The following QTMAN variants were observed in gnomAD, a reference collection of about 807,000 sequenced individuals.
QTMAN encodes queuosine-tRNA mannosyltransferase.
chr2:144,245,654 C>A, the QTMAN span, among the ~76,000 whole-genome samples: 1 of 152,062 alleles, frequency 6.6e-6, no homozygotes. Flanking sequence ...ATCATCATTA[C>A]TATTAATCAT....
the QTMAN span, among the ~76,000 whole-genome samples, chr2:144,215,416 G>A: frequency 6.6e-6 from 1 of 151,868 alleles, no homozygotes; most frequent in South Asian, 2.1e-4. Context: ...AATAGTTACT[G>A]AGTACTTAGC....
chr2:144,020,574 T>A, the QTMAN span, among the ~76,000 whole-genome samples: 1 of 152,182 alleles, frequency 6.6e-6, no homozygotes, highest in Non-Finnish European at 1.5e-5. Context: ...CACATGCCCA[T>A]TGGGGCTTCA....
At chr2:144,011,063 G>A in the QTMAN span, among the ~76,000 whole-genome samples, 10 of 152,198 alleles carry the variant, frequency 6.6e-5, no homozygotes, top group African/African-American at 2.4e-4. Context: ...ACAAGCTACG[G>A]TTTCCTTGTT....
the QTMAN span, among the ~76,000 whole-genome samples, chr2:144,225,016 G>A: frequency 2.0e-5 from 3 of 152,098 alleles, no homozygotes; most frequent in African/African-American, 7.2e-5. Context: ...GAGGAAATGT[G>A]GCAGACATCA....
the QTMAN span, among the ~76,000 whole-genome samples, chr2:144,190,838 G>T: frequency 2.0e-5 from 3 of 152,150 alleles, no homozygotes; most frequent in African/African-American, 7.2e-5. Flanking sequence ...AACCTGAAAA[G>T]AAACTGTGAT....
the QTMAN span, among the ~76,000 whole-genome samples, chr2:144,015,260 A>C: frequency 6.6e-6 from 1 of 152,138 alleles, no homozygotes; most frequent in Non-Finnish European, 1.5e-5. Flanking sequence ...TAAGAACAAC[A>C]ACAAAACTCT....
At chr2:144,167,136 C>T in the QTMAN span, among the ~76,000 whole-genome samples, 4 of 152,240 alleles carry the variant, frequency 2.6e-5, no homozygotes, top group East Asian at 7.7e-4. Context: ...ATGCAAAATG[C>T]CTGTGACATA....
chr2:143,940,088 A>G, the QTMAN span: 7 of 152,170 alleles, frequency 4.6e-5, no homozygotes, highest in South Asian at 1.0e-3. Flanking sequence ...TTACTGCTCT[A>G]TATTTTTCTG....
chr2:144,229,016 T>C, the QTMAN span, among the ~76,000 whole-genome samples: 10 of 152,180 alleles, frequency 6.6e-5, no homozygotes, highest in Non-Finnish European at 1.5e-4. Flanking sequence ...TAGGGAAGAC[T>C]CCACACATAC....
the QTMAN span, among the ~76,000 whole-genome samples, chr2:144,223,462 CT>C: frequency 4.6e-5 from 7 of 152,144 alleles, no homozygotes; most frequent in Non-Finnish European, 7.4e-5. Context: ...TTTACTACCA[CT>C]TTGTTGACTC....
the QTMAN span, among the ~76,000 whole-genome samples, chr2:144,096,060 A>C: frequency 6.6e-6 from 1 of 152,222 alleles, no homozygotes; most frequent in Non-Finnish European, 1.5e-5. Context: ...AAACTCTCTC[A>C]GCCCTTTCTT....
the QTMAN span, among the ~76,000 whole-genome samples, chr2:144,166,395 T>C: frequency 6.6e-6 from 1 of 152,226 alleles, no homozygotes; most frequent in Non-Finnish European, 1.5e-5. Context: ...TCTTTGTACT[T>C]ACCCTACTAG....
At chr2:144,265,113 T>C in the QTMAN span, among the ~76,000 whole-genome samples, 3 of 152,138 alleles carry the variant, frequency 2.0e-5, no homozygotes, top group Non-Finnish European at 4.4e-5. Context: ...CATATATAAA[T>C]ATATAGATAT....
chr2:144,273,075 A>G, the QTMAN span, among the ~76,000 whole-genome samples: 7 of 152,220 alleles, frequency 4.6e-5, no homozygotes, highest in Non-Finnish European at 1.0e-4. Flanking sequence ...ATAAATTGAT[A>G]AATAATCCAG....
chr2:144,099,271 T>G, the QTMAN span, among the ~76,000 whole-genome samples: 1 of 152,224 alleles, frequency 6.6e-6, no homozygotes, highest in Non-Finnish European at 1.5e-5. Context: ...ACAAGTGATA[T>G]TATTCACAAC....
At chr2:144,208,852 T>A in the QTMAN span, 1 of 1,051,602 alleles carries the variant, frequency 9.5e-7, no homozygotes, top group Non-Finnish European at 1.3e-6. Context: ...CATACATGTA[T>A]AAAATTTTTA....
the QTMAN span, among the ~76,000 whole-genome samples, chr2:144,259,474 T>A: frequency 1.3e-5 from 2 of 152,158 alleles, no homozygotes; most frequent in East Asian, 3.9e-4. Context: ...TCTGCTTTTA[T>A]GAAGCCAACT....
At chr2:143,949,634 A>T in the QTMAN span, among the ~76,000 whole-genome samples, 2 of 151,914 alleles carry the variant, frequency 1.3e-5, no homozygotes, top group Non-Finnish European at 2.9e-5. Context: ...AATGAAATAA[A>T]TCTAAAAATA....
At chr2:144,298,981 T>C in the QTMAN span, among the ~76,000 whole-genome samples, 1 of 152,172 alleles carries the variant, frequency 6.6e-6, no homozygotes, top group Non-Finnish European at 1.5e-5. Flanking sequence ...TGGGATCTTC[T>C]TGCCCTGGCA....
Sources: gnomAD v4.1 joint callset for allele counts (sites outside exome capture counted in the v4.1 genomes callset) on GRCh38, gnomAD v4.1.1 for gene constraint, MANE v1.5 for transcripts, NCBI Gene and HGNC (gene_info 2026-07-23, HGNC 2026-07-21) for gene names.